Variants in SH3GL3 observed in about 807,000 individuals in gnomAD.
SH3GL3 encodes the protein endophilin-A3.
SH3GL3 carries 33 observed loss-of-function variants against 47.7 expected under a neutral mutation model. The ratio of observed to expected loss-of-function variants is 0.69; its 90% CI spans 0.52 to 0.92. SH3GL3 has a LOEUF of 0.92. SH3GL3 is among the 40% of genes least tolerant of loss of function. The probability of loss-of-function intolerance (pLI) is 0.00; values close to 1 mark genes in which losing one functional copy is unlikely to be tolerated. For synonymous variants in SH3GL3, 155 were observed against 148.8 expected, an observed-to-expected ratio of 1.04 and a Z score of -0.30; for missense variants, 363 against 417.8, an observed-to-expected ratio of 0.87 and a Z score of 1.14.
intron 8 of SH3GL3, among the ~76,000 whole-genome samples, chr15:83,597,905 G>C (rs1356241419): frequency 1.3e-5 from 2 of 152,182 alleles, no homozygotes; most frequent in Non-Finnish European, 2.9e-5. Flanking sequence ...ACCACGCCTG[G>C]CCCTTAATTA....
chr15:83,532,577 A>G lies in SH3GL3; in HGVS notation c.46-26676A>G, dbSNP rs146571281. On this transcript the variant is annotated intron_variant, in intron 1 of 8. Transcript: ENST00000427482. Reference sequence around the variant, plus strand: ...GGTATGAAGGAATTGGATGGTCATTAATGACAGCAGTTTTAATGGAGCCAG... The same window carrying G: ...GGTATGAAGGAATTGGATGGTCATTGATGACAGCAGTTTTAATGGAGCCAG... 2.6e-3 allele frequency among the ~76,000 whole-genome samples: 401 copies of G among 152,290 alleles called. 1 individual carries two copies. The highest frequency in any genetic ancestry group is 8.5e-3 in the African/African-American group (355 of 41,552).
Position 83,618,447 on chromosome 15 carries a change from T to C in SH3GL3, c.*160T>C, listed in dbSNP as rs1247336375. The C allele has an allele frequency of 5.1e-6, 3 of 584,712 alleles. No homozygotes were observed. In the African/African-American group the frequency reaches 5.7e-5, roughly 11 times the overall value. The allele number at this position is 584,712 out of a possible 1,614,324, so 36.2% of individuals were successfully genotyped here. The stretch of plus-strand genomic sequence containing the variant: ...ATGTATTTTATATCACTTTAATTTG[T>C]ATAAATGATTTTCTTGTCCTTGCTA... On this transcript the variant is annotated 3_prime_UTR_variant, in exon 9 of 9. Transcript: ENST00000427482.
chr15:83,562,836 T>G (rs2045351631), intron 2 of SH3GL3, among the ~76,000 whole-genome samples: 1 of 152,184 alleles, frequency 6.6e-6, no homozygotes, highest in African/African-American at 2.4e-5. Context: ...TTAATCAGAT[T>G]CTCTTAAACA....
At chr15:83,487,659 CACAGATGTGAT>C (rs2041667300) in intron 1 of SH3GL3, among the ~76,000 whole-genome samples, 1 of 152,088 alleles carries the variant, frequency 6.6e-6, no homozygotes, top group South Asian at 2.1e-4. Context: ...AGTGTTGGCA[CACAGATGTGAT>C]ACACTGGCCA....
chr15:83,459,392 A>T (rs2040161476), intron 1 of SH3GL3, among the ~76,000 whole-genome samples: 1 of 152,222 alleles, frequency 6.6e-6, no homozygotes, highest in Non-Finnish European at 1.5e-5. Context: ...AGGGTTTAAG[A>T]AAATGATGGC....
intron 1 of SH3GL3, among the ~76,000 whole-genome samples, chr15:83,518,070 AG>A (rs754166874): frequency 9.9e-5 from 15 of 152,186 alleles, no homozygotes; most frequent in Non-Finnish European, 1.8e-4. Flanking sequence ...GTTGCTGCAA[AG>A]GACATTATTT....
chr15:83,481,424 A>C (rs890867262), intron 1 of SH3GL3, among the ~76,000 whole-genome samples: 1 of 152,192 alleles, frequency 6.6e-6, no homozygotes, highest in Non-Finnish European at 1.5e-5. Context: ...GATTTCTAGT[A>C]ATTTGTCAGC....
Position 83,618,455 on chromosome 15 carries a change from A to T in SH3GL3, c.*168A>T. 3.5e-6 allele frequency: 2 copies of T among 569,466 alleles called. No homozygotes were observed. The highest frequency in any genetic ancestry group is 4.6e-4 in the Middle Eastern group (1 of 2,182). 35.3% of individuals were successfully genotyped at this position (569,466 alleles called of 1,614,324 possible). On this transcript the variant is annotated 3_prime_UTR_variant, in exon 9 of 9. Coordinates refer to ENST00000427482, the MANE Select transcript of SH3GL3 (RefSeq NM_003027.5). ...TATATCACTTTAATTTGTATAAATG[A>T]TTTTCTTGTCCTTGCTACATGAAAA...
intron 5 of SH3GL3, among the ~76,000 whole-genome samples, chr15:83,576,295 A>G (rs958694094): frequency 2.0e-5 from 3 of 152,200 alleles, no homozygotes; most frequent in Non-Finnish European, 4.4e-5. Context: ...GAACGTTGGA[A>G]AATAATATCT....
chr15:83,588,262 C>T (rs2060003496), intron 7 of SH3GL3, among the ~76,000 whole-genome samples: 1 of 152,080 alleles, frequency 6.6e-6, no homozygotes, highest in Non-Finnish European at 1.5e-5. Flanking sequence ...TCCCGAGTAG[C>T]TGGGATTACA....
intron 2 of SH3GL3, among the ~76,000 whole-genome samples, chr15:83,562,072 C>A (rs1471068046): frequency 1.7e-5 from 2 of 119,298 alleles, no homozygotes. Flanking sequence ...CACACACACA[C>A]ACACACACAC....
intron 8 of SH3GL3, among the ~76,000 whole-genome samples, chr15:83,608,334 A>G (rs958309365): frequency 2.0e-5 from 3 of 152,174 alleles, no homozygotes; most frequent in African/African-American, 7.2e-5. Flanking sequence ...ATCAGGACCC[A>G]AAGATGACCT....
intron 8 of SH3GL3, among the ~76,000 whole-genome samples, chr15:83,613,094 T>C (rs2060714515): frequency 6.6e-6 from 1 of 152,226 alleles, no homozygotes; most frequent in South Asian, 2.1e-4. Flanking sequence ...GAAAAATGCA[T>C]TGATACTTCA....
the SH3GL3 span, among the ~76,000 whole-genome samples, chr15:83,631,723 C>A: frequency 6.6e-6 from 1 of 152,192 alleles, no homozygotes; most frequent in Non-Finnish European, 1.5e-5. Flanking sequence ...CTGGGCCTAG[C>A]CCATGAAACC....
At chr15:83,571,242 C>T (rs2045801422) in intron 4 of SH3GL3, among the ~76,000 whole-genome samples, 1 of 152,184 alleles carries the variant, frequency 6.6e-6, no homozygotes, top group African/African-American at 2.4e-5. Context: ...ATGTTCAGAG[C>T]ATCATCTTTG....
intron 1 of SH3GL3, among the ~76,000 whole-genome samples, chr15:83,506,279 AT>A (rs1256754416): frequency 2.6e-5 from 4 of 152,002 alleles, no homozygotes; most frequent in East Asian, 1.9e-4. Context: ...TGGTTATAAC[AT>A]TTTTTTTCCC....
At chr15:83,603,059 G>A (rs1422479160) in intron 8 of SH3GL3, among the ~76,000 whole-genome samples, 1 of 151,972 alleles carries the variant, frequency 6.6e-6, no homozygotes, top group Non-Finnish European at 1.5e-5. Flanking sequence ...GAGTGCAGTG[G>A]TGGGATCTCG....
intron 1 of SH3GL3, among the ~76,000 whole-genome samples, chr15:83,473,148 G>A (rs1017039948): frequency 6.6e-6 from 1 of 151,462 alleles, no homozygotes. Flanking sequence ...CCAGTGGGGA[G>A]GAGCAAGGGC....
the SH3GL3 span, among the ~76,000 whole-genome samples, chr15:83,631,012 C>T: frequency 7.9e-5 from 12 of 152,246 alleles, no homozygotes; most frequent in East Asian, 5.8e-4. Context: ...TAGTAACTAA[C>T]GGGTATAGGC....
Sources: gnomAD v4.1 joint callset for allele counts (sites outside exome capture counted in the v4.1 genomes callset) on GRCh38, gnomAD v4.1.1 for gene constraint, MANE v1.5 for transcripts, NCBI Gene and HGNC (gene_info 2026-07-23, HGNC 2026-07-21) for gene names.